The following ORC5 variants were observed in gnomAD, a reference collection of about 807,000 sequenced individuals.
The protein encoded by ORC5 is protein phosphatase 1, regulatory subunit 117.
A neutral mutation model predicts 58.8 loss-of-function variants in ORC5; 39 were observed. The ratio of observed to expected loss-of-function variants is 0.66; its 90% CI spans 0.51 to 0.87. ORC5 has a LOEUF of 0.87. Among genes scored for constraint, ORC5 ranks in the 40% least tolerant of loss-of-function variants. The pLI, the probability that ORC5 is intolerant of heterozygous loss-of-function variation, is 0.00. For missense variants in ORC5, 493 were observed against 506.3 expected (o/e 0.97, Z 0.25); for synonymous variants, 218 against 177.6 (o/e 1.23, Z -1.81).
chr7:104,152,151 G>C (rs1798856520), intron 12 of ORC5, among the ~76,000 whole-genome samples: 2 of 151,962 alleles, frequency 1.3e-5, no homozygotes, highest in Admixed American at 6.6e-5. Context: ...ATCTTTTATA[G>C]ATTTTGTTTT....
At chr7:104,197,134 A>G (rs1215679699) in intron 4 of ORC5, among the ~76,000 whole-genome samples, 3 of 152,218 alleles carry the variant, frequency 2.0e-5, no homozygotes. Context: ...TAAGTGCAAC[A>G]TATAATGAAA....
At chr7:104,148,800 G>A (rs1168317188) in intron 12 of ORC5, among the ~76,000 whole-genome samples, 6 of 152,106 alleles carry the variant, frequency 3.9e-5, no homozygotes, top group African/African-American at 9.7e-5. Flanking sequence ...TGGGGAGGCC[G>A]AGGCAGGCAG....
intron 12 of ORC5, among the ~76,000 whole-genome samples, chr7:104,158,429 G>T (rs1013297212): frequency 2.6e-5 from 4 of 152,098 alleles, no homozygotes; most frequent in African/African-American, 4.8e-5. Context: ...AGGACTTCAT[G>T]TCTAAAACAC....
Position 104,184,103 on chromosome 7 carries a change from G to C in ORC5, c.733+20C>G, listed in dbSNP as rs199595122. The C allele has an allele frequency of 2.5e-6, 4 of 1,588,420 alleles. No individual in the cohort carries two copies. The African/African-American group carries it at 5.4e-5, about 22-fold the overall frequency. On this transcript the variant is annotated intron_variant, in intron 7 of 13. Coordinates refer to ENST00000297431, the MANE Select transcript of ORC5 (RefSeq NM_002553.4). Reference sequence around the variant, plus strand: ...AACCTTTCTCAAAATAAATATTAATGAGTAAAATTACACAGTTACCTTCTC... The same window carrying C: ...AACCTTTCTCAAAATAAATATTAATCAGTAAAATTACACAGTTACCTTCTC...
chr7:104,192,941 C>A (rs1035168), intron 5 of ORC5, among the ~76,000 whole-genome samples: 101,889 of 151,290 alleles, frequency 0.67, 34,961 homozygotes, highest in Non-Finnish European at 0.75. Flanking sequence ...CACACACACA[C>A]AGATTTAAAA....
In ORC5 at chr7:104,208,008, G is replaced by A. The variant is rs562924275; in HGVS notation, c.-104C>T. On this transcript the variant is annotated 5_prime_UTR_variant, in exon 1 of 14. Transcript: ENST00000297431. Reference sequence around the variant, plus strand: ...GCGGCCCACGCTCCCGCCGGAAACCGGACCCGCAGCGTCGTGGGAGGAGCC... The same window carrying A: ...GCGGCCCACGCTCCCGCCGGAAACCAGACCCGCAGCGTCGTGGGAGGAGCC... 7.8e-5 allele frequency: 87 copies of A among 1,119,754 alleles called. No individual in the cohort carries two copies. In the African/African-American group the frequency reaches 8.6e-4, roughly 11 times the overall value. The allele number at this position is 1,119,754 out of a possible 1,614,324, so 69.4% of individuals were successfully genotyped here.
Position 104,139,367 on chromosome 7 carries a change from C to A in ORC5, c.1150-2474G>T, listed in dbSNP as rs555402806. On this transcript the variant is annotated intron_variant, in intron 12 of 13. Coordinates refer to ENST00000297431, the MANE Select transcript of ORC5 (RefSeq NM_002553.4). The stretch of plus-strand genomic sequence containing the variant: ...TATTATACTTTTTTTTATAGATAAG[C>A]CTTAGAGATCTTAAGTAACTTTCTC... Among the ~76,000 whole-genome samples the A allele has an allele frequency of 1.4e-4, 22 of 152,084 alleles. 1 individual carries two copies. In the South Asian group the frequency reaches 4.2e-3, roughly 29 times the overall value.
chr7:104,166,335 A>G (rs376219646), intron 10 of ORC5, among the ~76,000 whole-genome samples: 2 of 152,300 alleles, frequency 1.3e-5, no homozygotes, highest in African/African-American at 4.8e-5. Flanking sequence ...GAAAAAGTCT[A>G]AAGTGACAAG....
At chr7:104,202,435 T>G (rs1799967301) in intron 2 of ORC5, 2 of 428,436 alleles carry the variant, frequency 4.7e-6, no homozygotes. Flanking sequence ...TTTACTGTCC[T>G]TTAAGAACAA....
In ORC5 at chr7:104,169,750, A is replaced by G. The variant is rs552191929; in HGVS notation, c.825-1225T>C. ...GCTTTTGAAGTATTCTTTGATGCCCATCTCTCACCTGTATAGCAATCAACA... is the reference window on the plus strand; with the variant it reads ...GCTTTTGAAGTATTCTTTGATGCCCGTCTCTCACCTGTATAGCAATCAACA... On this transcript the variant is annotated intron_variant, in intron 8 of 13. Coordinates refer to ENST00000297431, the MANE Select transcript of ORC5 (RefSeq NM_002553.4). 5.3e-5 allele frequency among the ~76,000 whole-genome samples: 8 copies of G among 152,270 alleles called. No homozygotes were observed. The South Asian group carries it at 1.7e-3, about 32-fold the overall frequency.
chr7:104,207,475 C>T (rs1168947253), intron 1 of ORC5, among the ~76,000 whole-genome samples: 2 of 152,188 alleles, frequency 1.3e-5, no homozygotes, highest in Non-Finnish European at 2.9e-5. Context: ...TGTGAACTTA[C>T]ATTTGAATAA....
At chr7:104,188,215 C>CAT in intron 6 of ORC5, 36 bp downstream of exon 6, 5 of 1,440,920 alleles carry the variant, frequency 3.5e-6, no homozygotes, top group Non-Finnish European at 4.9e-6. Context: ...CACACACACA[C>CAT]ACATATATAT....
At chr7:104,201,698 T>G (rs916319421) in intron 2 of ORC5, among the ~76,000 whole-genome samples, 1 of 151,526 alleles carries the variant, frequency 6.6e-6, no homozygotes, top group African/African-American at 2.4e-5. Flanking sequence ...AATTTCACAC[T>G]TATAACTTTA....
At chr7:104,187,673 A>G (rs779628082) in intron 6 of ORC5, 5 of 817,562 alleles carry the variant, frequency 6.1e-6, no homozygotes, top group Admixed American at 1.2e-4. Flanking sequence ...TTAAACATCA[A>G]CATTTTCCAA....
At chr7:104,198,415 G>C (rs1799852718) in intron 3 of ORC5, among the ~76,000 whole-genome samples, 1 of 152,220 alleles carries the variant, frequency 6.6e-6, no homozygotes, top group Non-Finnish European at 1.5e-5. Flanking sequence ...GGGAATAAAA[G>C]TGACTCTTGC....
intron 11 of ORC5, among the ~76,000 whole-genome samples, chr7:104,164,819 T>C (rs943789735): frequency 2.6e-5 from 4 of 152,226 alleles, no homozygotes; most frequent in African/African-American, 9.6e-5. Flanking sequence ...TCTAATCTGC[T>C]TGGTCACCTC....
intron 13 of ORC5, 141 bp from the exon 14 acceptor site, chr7:104,127,034 T>C (rs1238533813): frequency 2.6e-5 from 13 of 501,190 alleles, no homozygotes; most frequent in Non-Finnish European, 4.6e-5. Context: ...CTGATAGGAC[T>C]GACATTAATT....
intron 8 of ORC5, among the ~76,000 whole-genome samples, chr7:104,181,210 T>C (rs1799424658): frequency 6.6e-6 from 1 of 152,200 alleles, no homozygotes; most frequent in East Asian, 1.9e-4. Context: ...GTTTTCCAGA[T>C]TTGAGAAAAT....
intron 8 of ORC5, 82 bp from the exon 9 acceptor site, chr7:104,168,607 C>A: frequency 2.7e-6 from 2 of 746,420 alleles, no homozygotes; most frequent in East Asian, 2.8e-5. Context: ...CCTAGAAAAA[C>A]TAAATTTTTT....
Sources: gnomAD v4.1 joint callset for allele counts (sites outside exome capture counted in the v4.1 genomes callset) on GRCh38, gnomAD v4.1.1 for gene constraint, MANE v1.5 for transcripts, NCBI Gene and HGNC (gene_info 2026-07-23, HGNC 2026-07-21) for gene names.